PRKAR1A: variants seen among roughly 807,000 people sequenced by gnomAD.
PRKAR1A encodes the protein cAMP-dependent protein kinase type I-alpha regulatory subunit.
In PRKAR1A, 3 loss-of-function variants were observed where a neutral mutation model predicts 52.0. That is an observed-to-expected ratio of 0.06 (90% confidence interval 0.03 to 0.15). The LOEUF is 0.15. Among genes scored for constraint, PRKAR1A ranks in the 10% least tolerant of loss-of-function variants. The probability of loss-of-function intolerance (pLI) is 1.00; values close to 1 mark genes in which losing one functional copy is unlikely to be tolerated. For missense variants in PRKAR1A, 240 were observed against 477.4 expected (o/e 0.50, Z 4.63); for synonymous variants, 188 against 168.4 (o/e 1.12, Z -0.90).
In PRKAR1A at chr17:68,531,289, G is replaced by A; in HGVS notation, c.*840G>A. 9.4e-7 allele frequency: 1 copy of A among 1,065,820 alleles called. No homozygotes were observed. Among genetic ancestry groups the A allele is most frequent in the Non-Finnish European group, 1.1e-6 (1 of 879,278 alleles). 66.0% of individuals were successfully genotyped at this position (1,065,820 alleles called of 1,614,324 possible). ...TGCTGAATTGAGAATAAGAATTTGA[G>A]GTCTACATTCTTGGTTGTTAATTTA... On this transcript the variant is annotated 3_prime_UTR_variant, in exon 11 of 11. Coordinates refer to ENST00000589228, the MANE Select transcript of PRKAR1A (RefSeq NM_002734.5).
the PRKAR1A span, among the ~76,000 whole-genome samples, chr17:68,419,379 C>G: frequency 2.6e-5 from 4 of 151,994 alleles, no homozygotes; most frequent in Non-Finnish European, 5.9e-5. Flanking sequence ...GCCAACAGAC[C>G]AGCCTGGCCA....
In PRKAR1A at chr17:68,530,527, T is replaced by C. The variant is rs2085946674; in HGVS notation, c.*78T>C. The stretch of plus-strand genomic sequence containing the variant: ...ATGCAAACTGCTTTATTTTCCCTAC[T>C]TGCAGCGCCAAGTGGCCACTGGCAT... On this transcript the variant is annotated 3_prime_UTR_variant, in exon 11 of 11. Coordinates refer to ENST00000589228, the MANE Select transcript of PRKAR1A (RefSeq NM_002734.5). 1 of 1,611,918 alleles carries C rather than the reference T, an allele frequency of 6.2e-7. No homozygotes were observed. The highest frequency in any genetic ancestry group is 8.5e-7 in the Non-Finnish European group (1 of 1,179,248).
the PRKAR1A span, among the ~76,000 whole-genome samples, chr17:68,506,381 G>A: frequency 0.2 from 30,887 of 151,876 alleles, 3,553 homozygotes; most frequent in East Asian, 0.48. Context: ...ACTGATGCCT[G>A]AGTTAGATGC....
chr17:68,489,196 ATAT>A, the PRKAR1A span, among the ~76,000 whole-genome samples: 1 of 32,882 alleles, frequency 3.0e-5, no homozygotes, highest in South Asian at 9.7e-4. Flanking sequence ...GTATATATAT[ATAT>A]ATATATATAT....
chr17:68,526,302 C>T (rs1338658448), intron 7 of PRKAR1A, among the ~76,000 whole-genome samples: 1 of 152,154 alleles, frequency 6.6e-6, no homozygotes, highest in Non-Finnish European at 1.5e-5. Flanking sequence ...AATCAGCTTC[C>T]CTAACCTGTG....
chr17:68,498,919 T>C, the PRKAR1A span, among the ~76,000 whole-genome samples: 1 of 152,222 alleles, frequency 6.6e-6, no homozygotes, highest in African/African-American at 2.4e-5. Context: ...TCAGTAGCTT[T>C]GCTTAGGGTC....
the PRKAR1A span, among the ~76,000 whole-genome samples, chr17:68,452,268 A>G: frequency 1.3e-5 from 2 of 152,230 alleles, no homozygotes; most frequent in African/African-American, 4.8e-5. Context: ...ATAATGGCAA[A>G]AATAAGTCAC....
the PRKAR1A span, chr17:68,450,807 A>C: frequency 6.2e-7 from 1 of 1,613,994 alleles, no homozygotes; most frequent in African/African-American, 1.3e-5. Context: ...GAAGTGATAC[A>C]CGTTCATCTG....
rs2085980554 is a variant in PRKAR1A, at chr17:68,531,714, T to G, written c.*1265T>G. ...TATTTCTCTGGCAAACTTTTCTTTC[T>G]TTTCTTTTTTAAAGTAAACTTGTGT... is the stretch of plus-strand genomic sequence containing the variant. On this transcript the variant is annotated 3_prime_UTR_variant, in exon 11 of 11. Coordinates refer to ENST00000589228, the MANE Select transcript of PRKAR1A (RefSeq NM_002734.5). 1 of 1,062,240 alleles carries G rather than the reference T, an allele frequency of 9.4e-7. No individual in the cohort carries two copies. Among genetic ancestry groups the G allele is most frequent in the Non-Finnish European group, 1.1e-6 (1 of 875,924 alleles). The allele number at this position is 1,062,240 out of a possible 1,614,324, so 65.8% of individuals were successfully genotyped here. A position where few individuals can be genotyped will look rare whatever the true frequency, so the allele number is the denominator to read the frequency against.
the PRKAR1A span, among the ~76,000 whole-genome samples, chr17:68,488,063 G>C: frequency 6.6e-6 from 1 of 152,132 alleles, no homozygotes; most frequent in East Asian, 1.9e-4. Context: ...AGGGGAGTAG[G>C]GGGGTGGCAT....
intron 6 of PRKAR1A, among the ~76,000 whole-genome samples, chr17:68,525,502 C>T (rs557408453): frequency 6.6e-6 from 1 of 152,230 alleles, no homozygotes; most frequent in African/African-American, 2.4e-5. Flanking sequence ...CTTAGCTGAC[C>T]TTTTTCCCTT....
intron 2 of PRKAR1A, among the ~76,000 whole-genome samples, chr17:68,518,570 G>A (rs2085503612): frequency 6.6e-6 from 1 of 152,216 alleles, no homozygotes; most frequent in Admixed American, 6.5e-5. Flanking sequence ...AGGGTACCAT[G>A]TCCTGAGGCT....
the PRKAR1A span, chr17:68,457,569 C>T: frequency 7.4e-5 from 10 of 135,158 alleles, no homozygotes; most frequent in African/African-American, 2.8e-4. Context: ...GCCCCGTCCC[C>T]ACCCCGCCCC....
At chr17:68,447,984 CAA>C in the PRKAR1A span, among the ~76,000 whole-genome samples, 1,504 of 80,270 alleles carry the variant, frequency 0.019, 18 homozygotes, top group African/African-American at 0.047. Flanking sequence ...GACTCTATCT[CAA>C]AAAAAAAAAA....
intron 11 of PRKAR1A, chr17:68,542,152 GCA>G: frequency 6.8e-6 from 11 of 1,614,018 alleles, no homozygotes; most frequent in Non-Finnish European, 9.3e-6. Flanking sequence ...TGGCGAAGAA[GCA>G]CACGTTGCTC....
the PRKAR1A span, among the ~76,000 whole-genome samples, chr17:68,491,276 G>C: frequency 6.6e-6 from 1 of 151,974 alleles, no homozygotes; most frequent in Non-Finnish European, 1.5e-5. Flanking sequence ...ATTTTTATTA[G>C]AGATGGGATT....
chr17:68,437,678 G>C, the PRKAR1A span, among the ~76,000 whole-genome samples: 1 of 152,138 alleles, frequency 6.6e-6, no homozygotes, highest in Non-Finnish European at 1.5e-5. Flanking sequence ...GGTGTGCCTA[G>C]ACATTGAGAC....
At chr17:68,464,777 A>C in the PRKAR1A span, among the ~76,000 whole-genome samples, 6 of 152,090 alleles carry the variant, frequency 3.9e-5, no homozygotes, top group Non-Finnish European at 8.8e-5. Flanking sequence ...ATCAGAGCCC[A>C]GCGTTTCATA....
the PRKAR1A span, among the ~76,000 whole-genome samples, chr17:68,472,743 T>G: frequency 3.3e-5 from 5 of 151,486 alleles, no homozygotes; most frequent in Non-Finnish European, 5.9e-5. Context: ...GCCAGGAGTT[T>G]GAGACCAGCC....
Sources: allele counts gnomAD v4.1 joint callset (sites outside exome capture counted in the v4.1 genomes callset), GRCh38; gene constraint gnomAD v4.1.1; transcripts MANE v1.5; gene names NCBI Gene and HGNC (gene_info 2026-07-23, HGNC 2026-07-21).